The following CNKSR2 variants were observed in gnomAD, a reference collection of about 807,000 sequenced individuals.
The protein encoded by CNKSR2 is CNK homolog protein 2.
In CNKSR2, 14 loss-of-function variants were observed where a neutral mutation model predicts 84.4. That is an observed-to-expected ratio of 0.17 (90% CI 0.11 to 0.26). The LOEUF (loss-of-function observed/expected upper bound fraction) is 0.26. Ranked by LOEUF, CNKSR2 falls within the 10% of genes least tolerant of loss-of-function variation. The probability of loss-of-function intolerance (pLI) is 1.00; values close to 1 mark genes in which losing one functional copy is unlikely to be tolerated. For missense variants in CNKSR2, 485 were observed against 771.2 expected (o/e 0.63, Z 4.40); for synonymous variants, 275 against 277.9 (o/e 0.99, Z 0.10).
At chrX:21,631,178 G>T (rs1219509738) in intron 20 of CNKSR2, among the ~76,000 whole-genome samples, 1 of 110,598 alleles carries the variant, frequency 9.0e-6, no homozygotes, top group Non-Finnish European at 1.9e-5. Flanking sequence ...AATTAGCCAG[G>T]CATGATGGTG....
intron 5 of CNKSR2, among the ~76,000 whole-genome samples, chrX:21,471,840 AT>A (rs1237852666): frequency 1.8e-5 from 2 of 111,868 alleles, no homozygotes; most frequent in African/African-American, 6.5e-5. Flanking sequence ...AGGGAAAATA[AT>A]TACAACTCCC....
intron 10 of CNKSR2, among the ~76,000 whole-genome samples, chrX:21,528,099 G>A (rs1281783154): frequency 9.0e-6 from 1 of 110,817 alleles, no homozygotes; most frequent in Non-Finnish European, 1.9e-5. Context: ...TAACTTATAA[G>A]ATATAGTTTA....
In CNKSR2 at chrX:21,647,433, G is replaced by T. The variant is rs775953037; in HGVS notation, c.2693-1398G>T. ...ATACAGTCATTTTGAAAAATTTTTT[G>T]AATGCTGCATTTTAAGGGCGTCTCA... On this transcript the variant is annotated intron_variant, in intron 20 of 21. Coordinates refer to ENST00000379510, the MANE Select transcript of CNKSR2 (RefSeq NM_014927.5). Among the ~76,000 whole-genome samples, 4 of 111,606 alleles carry T rather than the reference G, an allele frequency of 3.6e-5. No homozygotes were observed. The South Asian group carries it at 1.5e-3, about 41-fold the overall frequency.
intron 4 of CNKSR2, among the ~76,000 whole-genome samples, chrX:21,456,265 G>A (rs182086701): frequency 9.0e-6 from 1 of 111,096 alleles, no homozygotes; most frequent in Non-Finnish European, 1.9e-5. Context: ...CAAATGTCAA[G>A]CATGCAATAC....
intron 11 of CNKSR2, among the ~76,000 whole-genome samples, chrX:21,542,606 A>C (rs2091985798): frequency 8.9e-6 from 1 of 111,774 alleles, no homozygotes; most frequent in African/African-American, 3.3e-5. Context: ...TCAAAATGGT[A>C]ATATTTCCCA....
Position 21,635,404 on chromosome X carries a change from G to A in CNKSR2, c.2693-13427G>A, listed in dbSNP as rs559724072. ...TGTGTGTGTGTGTGTGTGTGTGTGT[G>A]TGTGTATATATACACATATATATGT... On this transcript the variant is annotated intron_variant, in intron 20 of 21. Coordinates refer to ENST00000379510, the MANE Select transcript of CNKSR2 (RefSeq NM_014927.5). Among the ~76,000 whole-genome samples, 146 of 101,390 alleles carry A rather than the reference G, an allele frequency of 1.4e-3. 2 individuals carry two copies. In the South Asian group the frequency reaches 0.034, roughly 24 times the overall value. 88.0% of individuals were successfully genotyped at this position (101,390 alleles called of 115,157 possible).
intron 13 of CNKSR2, among the ~76,000 whole-genome samples, chrX:21,570,680 G>C (rs2092277697): frequency 8.9e-6 from 1 of 112,205 alleles, no homozygotes; most frequent in Admixed American, 9.5e-5. Flanking sequence ...TGAACACTTA[G>C]AGGCCATCGT....
chrX:21,392,065 A>T (rs1173188368), intron 1 of CNKSR2, among the ~76,000 whole-genome samples: 2 of 111,492 alleles, frequency 1.8e-5, no homozygotes, highest in Non-Finnish European at 3.8e-5. Context: ...GTTCCCAATA[A>T]TTTCCTCATT....
chrX:21,465,733 A>T (rs1260024117), intron 4 of CNKSR2, among the ~76,000 whole-genome samples: 1 of 111,497 alleles, frequency 9.0e-6, no homozygotes, highest in Non-Finnish European at 1.9e-5. Flanking sequence ...TTAATAACAT[A>T]TGCACTGTTC....
At chrX:21,485,663 A>T (rs1390476757) in intron 5 of CNKSR2, among the ~76,000 whole-genome samples, 1 of 111,707 alleles carries the variant, frequency 9.0e-6, no homozygotes, top group African/African-American at 3.3e-5. Context: ...CTTGTCTGTT[A>T]TTCAGTCATT....
chrX:21,582,483 G>T (rs767165972), intron 13 of CNKSR2, among the ~76,000 whole-genome samples: 14 of 111,277 alleles, frequency 1.3e-4, no homozygotes, highest in African/African-American at 4.6e-4. Flanking sequence ...ATACTTACTT[G>T]GGAGGCAGTA....
At chrX:21,546,641 T>G in intron 11 of CNKSR2, among the ~76,000 whole-genome samples, 1 of 110,582 alleles carries the variant, frequency 9.0e-6, no homozygotes, top group South Asian at 3.9e-4. Context: ...TTTACCAAGT[T>G]TGAAATGAAG....
At chrX:21,388,121 G>A (rs918336859) in intron 1 of CNKSR2, among the ~76,000 whole-genome samples, 1 of 110,997 alleles carries the variant, frequency 9.0e-6, no homozygotes, top group Non-Finnish European at 1.9e-5. Flanking sequence ...GGATGGTCTC[G>A]ATCTCCTGAC....
intron 5 of CNKSR2, among the ~76,000 whole-genome samples, chrX:21,472,021 C>T (rs57417351): frequency 4.5e-5 from 5 of 111,802 alleles, no homozygotes; most frequent in African/African-American, 1.6e-4. Context: ...TTCAACTATT[C>T]GGTTTGAACA....
At chrX:21,524,784 G>A (rs1433995273) in intron 9 of CNKSR2, among the ~76,000 whole-genome samples, 5 of 110,601 alleles carry the variant, frequency 4.5e-5, no homozygotes, top group African/African-American at 6.5e-5. Flanking sequence ...GACTCCAGGC[G>A]AGAGGAAAGA....
intron 20 of CNKSR2, among the ~76,000 whole-genome samples, chrX:21,610,640 T>C (rs1175937019): frequency 8.9e-6 from 1 of 112,457 alleles, no homozygotes; most frequent in Non-Finnish European, 1.9e-5. Context: ...GCAATAGACT[T>C]CTCTTTTTAA....
intron 13 of CNKSR2, among the ~76,000 whole-genome samples, chrX:21,585,040 G>A (rs1030306605): frequency 8.3e-5 from 9 of 108,337 alleles, no homozygotes; most frequent in East Asian, 5.8e-4. Flanking sequence ...CCAGGAGTTC[G>A]AGACCAGCCT....
intron 16 of CNKSR2, 127 bp downstream of exon 16, chrX:21,595,174 A>G: frequency 1.5e-6 from 1 of 671,520 alleles, no homozygotes; most frequent in Non-Finnish European, 2.3e-6. Flanking sequence ...GTGGGCAGAA[A>G]ATTGAACTTT....
rs1018325636 is a variant in CNKSR2, at chrX:21,621,555, T to C, written c.2692+11938T>C. On this transcript the variant is annotated intron_variant, in intron 20 of 21. Transcript: ENST00000379510. The stretch of plus-strand genomic sequence containing the variant: ...GGAAAGTACATTTTTTAAGAAAACA[T>C]TTTAAGGAAGAAAAGACCAAGGACA... 4.5e-5 allele frequency among the ~76,000 whole-genome samples: 5 copies of C among 111,462 alleles called. No individual in the cohort carries two copies. The East Asian group carries it at 8.3e-4, about 19-fold the overall frequency.
Sources: gnomAD v4.1 joint callset for allele counts (sites outside exome capture counted in the v4.1 genomes callset) on GRCh38, gnomAD v4.1.1 for gene constraint, MANE v1.5 for transcripts, NCBI Gene and HGNC (gene_info 2026-07-23, HGNC 2026-07-21) for gene names.